The following DSCAM variants were observed in gnomAD, a reference collection of about 807,000 sequenced individuals.
DSCAM encodes cell adhesion molecule DSCAM.
Under a neutral mutation model 217.7 loss-of-function variants are expected in DSCAM, and 47 were observed. The observed-to-expected ratio is 0.22, with a 90% CI of 0.17 to 0.28. The LOEUF is 0.28. Ranked by LOEUF, DSCAM falls within the 10% of genes least tolerant of loss-of-function variation. The pLI is 1.00. For synonymous variants in DSCAM, 1,056 were observed against 1,015.3 expected (o/e 1.04, Z -0.76); for missense variants, 2,080 against 2,618.3 (o/e 0.79, Z 4.49).
intron 15 of DSCAM, among the ~76,000 whole-genome samples, chr21:40,169,140 G>A (rs1236777285): frequency 6.6e-6 from 1 of 152,094 alleles, no homozygotes; most frequent in African/African-American, 2.4e-5. Flanking sequence ...AGTGAGTGGG[G>A]CAAAGGAACA....
intron 3 of DSCAM, among the ~76,000 whole-genome samples, chr21:40,562,890 C>T (rs562895190): frequency 1.4e-4 from 22 of 152,278 alleles, no homozygotes; most frequent in Middle Eastern, 3.4e-3. Flanking sequence ...ATACGTCTGT[C>T]GCCTGCACGA....
intron 3 of DSCAM, among the ~76,000 whole-genome samples, chr21:40,505,760 A>T (rs1383944636): frequency 6.6e-6 from 1 of 152,076 alleles, no homozygotes; most frequent in Non-Finnish European, 1.5e-5. Flanking sequence ...ACGTAAAATC[A>T]CTCGAGGAGT....
At chr21:40,070,737 G>A (rs1356328621) in intron 27 of DSCAM, among the ~76,000 whole-genome samples, 1 of 152,074 alleles carries the variant, frequency 6.6e-6, no homozygotes, top group Non-Finnish European at 1.5e-5. Context: ...GGGAGCTTTG[G>A]GCTCATTTGC....
chr21:40,645,301 C>T (rs76036717), intron 3 of DSCAM, among the ~76,000 whole-genome samples: 4,691 of 151,962 alleles, frequency 0.031, 191 homozygotes, highest in African/African-American at 0.097. Flanking sequence ...CACAGGCATC[C>T]GAAACCACAG....
intron 9 of DSCAM, among the ~76,000 whole-genome samples, chr21:40,306,693 G>C (rs1430250883): frequency 1.3e-5 from 2 of 152,026 alleles, no homozygotes; most frequent in African/African-American, 2.4e-5. Flanking sequence ...TGCATCTATT[G>C]AGATAATCAT....
chr21:40,503,781 G>T (rs2076188583), intron 3 of DSCAM, among the ~76,000 whole-genome samples: 1 of 152,200 alleles, frequency 6.6e-6, no homozygotes, highest in African/African-American at 2.4e-5. Context: ...TGATTTTCAT[G>T]TATTTGTTTG....
At chr21:40,748,363 TAATA>T (rs1014223607) in intron 1 of DSCAM, among the ~76,000 whole-genome samples, 2 of 151,820 alleles carry the variant, frequency 1.3e-5, no homozygotes, top group African/African-American at 4.8e-5. Flanking sequence ...ATATTAGAAC[TAATA>T]AATGAATTTG....
intron 1 of DSCAM, among the ~76,000 whole-genome samples, chr21:40,823,192 G>A (rs1481074434): frequency 1.1e-5 from 1 of 90,946 alleles, no homozygotes; most frequent in East Asian, 2.9e-4. Context: ...CTTAATCTTA[G>A]CATACATACA....
chr21:40,286,870 G>A (rs1353420852), intron 10 of DSCAM, among the ~76,000 whole-genome samples: 6 of 146,748 alleles, frequency 4.1e-5, no homozygotes, highest in African/African-American at 1.3e-4. Context: ...TGTGATCCAA[G>A]GTGTGATCTG....
intron 1 of DSCAM, among the ~76,000 whole-genome samples, chr21:40,833,460 C>T (rs2837850): frequency 0.12 from 18,839 of 152,176 alleles, 1,224 homozygotes; most frequent in South Asian, 0.24. Context: ...AGAGAAAATG[C>T]ATTCAGAGCG....
intron 3 of DSCAM, among the ~76,000 whole-genome samples, chr21:40,530,020 G>C (rs1010185518): frequency 1.3e-5 from 2 of 152,162 alleles, no homozygotes; most frequent in Non-Finnish European, 2.9e-5. Flanking sequence ...TTTATTTCAA[G>C]AGATGCCTTA....
At chr21:40,434,574 T>G (rs528191753) in intron 3 of DSCAM, among the ~76,000 whole-genome samples, 135 of 152,238 alleles carry the variant, frequency 8.9e-4, no homozygotes, top group South Asian at 3.5e-3. Context: ...AATGGTGCAT[T>G]ATGCTAGGAA....
intron 20 of DSCAM, among the ~76,000 whole-genome samples, chr21:40,101,011 A>G (rs1044982066): frequency 5.3e-5 from 8 of 152,332 alleles, no homozygotes; most frequent in East Asian, 3.9e-4. Flanking sequence ...ATACAGAAAC[A>G]GCCAACATTA....
intron 11 of DSCAM, among the ~76,000 whole-genome samples, chr21:40,252,718 G>T (rs974397036): frequency 6.6e-6 from 1 of 152,142 alleles, no homozygotes; most frequent in Admixed American, 6.5e-5. Flanking sequence ...ATTCAAGATT[G>T]AGGATCAAAG....
intron 32 of DSCAM, among the ~76,000 whole-genome samples, chr21:40,032,451 A>G (rs2088544701): frequency 6.6e-6 from 1 of 152,294 alleles, no homozygotes; most frequent in South Asian, 2.1e-4. Context: ...TAAAAAATGC[A>G]TGAGGGCCCC....
chr21:40,811,816 G>A (rs991923339), intron 1 of DSCAM, among the ~76,000 whole-genome samples: 12 of 152,130 alleles, frequency 7.9e-5, no homozygotes, highest in Admixed American at 3.9e-4. Context: ...AGTAGATTGC[G>A]TTGAAGACCT....
chr21:40,067,725 T>C (rs1385210797), intron 27 of DSCAM, among the ~76,000 whole-genome samples: 6 of 59,666 alleles, frequency 1.0e-4, no homozygotes, highest in Admixed American at 2.3e-4. Flanking sequence ...CCTCCCCTCA[T>C]TCCCTCCCTC....
intron 26 of DSCAM, among the ~76,000 whole-genome samples, chr21:40,078,242 A>C (rs1721034537): frequency 6.6e-6 from 1 of 152,180 alleles, no homozygotes; most frequent in Non-Finnish European, 1.5e-5. Flanking sequence ...GACTAACATA[A>C]GCTCCTTTAC....
At chr21:40,347,560 A>C in intron 6 of DSCAM, 110 bp downstream of exon 6, 1 of 1,434,430 alleles carries the variant, frequency 7.0e-7, no homozygotes, top group Non-Finnish European at 9.5e-7. Context: ...CTGGTGAGAC[A>C]GAGAGCCTAG....
Sources: allele counts gnomAD v4.1 joint callset (sites outside exome capture counted in the v4.1 genomes callset), GRCh38; gene constraint gnomAD v4.1.1; transcripts MANE v1.5; gene names NCBI Gene and HGNC (gene_info 2026-07-23, HGNC 2026-07-21).